AUTS2: variants seen among roughly 807,000 people sequenced by gnomAD.
AUTS2 encodes the protein autism susceptibility gene 2 protein.
In AUTS2, 17 loss-of-function variants were observed where a neutral mutation model predicts 112.4. The ratio of observed to expected loss-of-function variants is 0.15; its 90% CI spans 0.10 to 0.23. The LOEUF (loss-of-function observed/expected upper bound fraction) is 0.23. AUTS2 is among the 10% of genes least tolerant of loss of function. The pLI is 1.00. For synonymous variants in AUTS2, 751 were observed against 702.7 expected (o/e 1.07, Z -1.09); for missense variants, 1,510 against 1,701.6 (o/e 0.89, Z 1.98).
At chr7:70,467,795 C>G (rs1797225490) in intron 5 of AUTS2, among the ~76,000 whole-genome samples, 1 of 152,206 alleles carries the variant, frequency 6.6e-6, no homozygotes, top group African/African-American at 2.4e-5. Context: ...TTAACCTCCA[C>G]TGCTAGAGGG....
At chr7:69,793,201 A>G (rs1052063200) in intron 1 of AUTS2, among the ~76,000 whole-genome samples, 1 of 152,218 alleles carries the variant, frequency 6.6e-6, no homozygotes, top group Non-Finnish European at 1.5e-5. Flanking sequence ...TGCCTCCAGC[A>G]GTAAACTGGT....
intron 2 of AUTS2, among the ~76,000 whole-genome samples, chr7:69,975,709 G>T (rs1272628267): frequency 1.3e-5 from 2 of 150,584 alleles, no homozygotes; most frequent in Admixed American, 6.6e-5. Context: ...ATTTTTTTGA[G>T]GTGGAGTCTG....
chr7:70,303,423 C>CGT (rs1789320461), intron 4 of AUTS2, among the ~76,000 whole-genome samples: 1 of 123,126 alleles, frequency 8.1e-6, no homozygotes, highest in African/African-American at 3.4e-5. Flanking sequence ...CACACACACA[C>CGT]GCGCGCGCGC....
At chr7:70,643,308 C>T (rs895516592) in intron 5 of AUTS2, among the ~76,000 whole-genome samples, 2 of 152,228 alleles carry the variant, frequency 1.3e-5, no homozygotes, top group South Asian at 4.1e-4. Flanking sequence ...CGTGGTGGCT[C>T]ACGCCCGTAA....
chr7:69,929,702 T>C (rs1253616513), intron 2 of AUTS2, among the ~76,000 whole-genome samples: 1 of 152,226 alleles, frequency 6.6e-6, no homozygotes, highest in Non-Finnish European at 1.5e-5. Context: ...GGTTACAGTG[T>C]TTTTAAAAAT....
chr7:69,796,368 C>T (rs1187327497), intron 1 of AUTS2, among the ~76,000 whole-genome samples: 2 of 152,074 alleles, frequency 1.3e-5, no homozygotes, highest in Non-Finnish European at 2.9e-5. Flanking sequence ...AACAAACAAA[C>T]AAAAGCTAGT....
intron 2 of AUTS2, among the ~76,000 whole-genome samples, chr7:69,973,470 A>T (rs560317857): frequency 1.3e-5 from 2 of 152,294 alleles, no homozygotes; most frequent in East Asian, 3.9e-4. Flanking sequence ...TGCGGTGTGA[A>T]CTAAGAGTGG....
At chr7:70,043,578 TTC>T (rs1801347308) in intron 2 of AUTS2, among the ~76,000 whole-genome samples, 2 of 115,576 alleles carry the variant, frequency 1.7e-5, no homozygotes, top group Non-Finnish European at 3.4e-5. Flanking sequence ...CCTTCCTTCC[TTC>T]CTTCCTTCCT....
intron 4 of AUTS2, among the ~76,000 whole-genome samples, chr7:70,289,272 T>G (rs948221499): frequency 6.6e-6 from 1 of 152,226 alleles, no homozygotes; most frequent in African/African-American, 2.4e-5. Context: ...AAGGAACATC[T>G]GAGTGTTAAG....
intron 1 of AUTS2, among the ~76,000 whole-genome samples, chr7:69,652,183 G>A (rs1206010423): frequency 6.6e-6 from 1 of 151,954 alleles, no homozygotes. Context: ...TCTCTATGGT[G>A]GGCTCTGCTT....
chr7:70,452,020 T>G (rs1796553605), intron 5 of AUTS2, among the ~76,000 whole-genome samples: 1 of 152,170 alleles, frequency 6.6e-6, no homozygotes, highest in African/African-American at 2.4e-5. Flanking sequence ...GGTAGAGAGA[T>G]ATGATACCAC....
chr7:70,287,176 T>C (rs1476892303), intron 4 of AUTS2, among the ~76,000 whole-genome samples: 1 of 152,178 alleles, frequency 6.6e-6, no homozygotes, highest in Non-Finnish European at 1.5e-5. Flanking sequence ...TCTCTGTATC[T>C]CTTCAACTGT....
rs1790592988 is a variant in AUTS2 at position 70,774,946 on chromosome 7, A to T, written c.1903-411A>T. ...GGTAAAGAGAGCCTAATTCTCCTGG[A>T]TGGATGGAAAGGACACCTCTCCCCA... On this transcript the variant is annotated intron_variant, in intron 12 of 18. Coordinates refer to ENST00000342771, the MANE Select transcript of AUTS2 (RefSeq NM_015570.4). The T allele has an allele frequency of 1.0e-5, 2 of 192,184 alleles. 1 individual carries two copies. The highest frequency in any genetic ancestry group is 3.3e-4 in the South Asian group (2 of 6,128). The allele number at this position is 192,184 out of a possible 1,614,324, so 11.9% of individuals were successfully genotyped here.
intron 4 of AUTS2, among the ~76,000 whole-genome samples, chr7:70,401,798 C>T (rs955783098): frequency 3.3e-5 from 5 of 152,282 alleles, no homozygotes; most frequent in East Asian, 1.9e-4. Context: ...CTTCCACCAG[C>T]GTGATTTTGT....
chr7:69,781,140 C>G (rs964781531), intron 1 of AUTS2, among the ~76,000 whole-genome samples: 1 of 152,178 alleles, frequency 6.6e-6, no homozygotes, highest in Non-Finnish European at 1.5e-5. Context: ...TTTCTGTTTT[C>G]TACCGTATTA....
intron 2 of AUTS2, among the ~76,000 whole-genome samples, chr7:69,957,782 A>G (rs1031184921): frequency 2.6e-5 from 4 of 152,118 alleles, no homozygotes; most frequent in Non-Finnish European, 4.4e-5. Context: ...TCCCAAGTGG[A>G]TTCAGTTCCA....
intron 5 of AUTS2, among the ~76,000 whole-genome samples, chr7:70,515,626 A>C (rs999508361): frequency 6.6e-6 from 1 of 152,122 alleles, no homozygotes; most frequent in Non-Finnish European, 1.5e-5. Flanking sequence ...AGCCATTGAC[A>C]GATCTTAATT....
At position 70,787,284 on chromosome 7, in the gene AUTS2, G is replaced by C; in HGVS notation, c.2384G>C (p.Arg795Pro). The change falls in exon 18 of 19, where the codon CGG becomes CCG. Residue 795 changes from arginine (R) to proline (P), a missense_variant. Coordinates refer to ENST00000342771, the MANE Select transcript of AUTS2 (RefSeq NM_015570.4). ...NFSNPHEPWN[R>P]LHRTPPSFPT... The stretch of plus-strand genomic sequence containing the variant: ...AGCAACCCTCACGAACCCTGGAACC[G>C]GCTGCACCGAACGCCTCCGTCGTTC... 1 of 1,614,188 alleles carries C rather than the reference G, an allele frequency of 6.2e-7. No homozygotes were observed.
At chr7:70,104,330 A>G (rs1280146679) in intron 2 of AUTS2, among the ~76,000 whole-genome samples, 1 of 152,114 alleles carries the variant, frequency 6.6e-6, no homozygotes, top group Admixed American at 6.6e-5. Flanking sequence ...CATCAAAGCC[A>G]TTGTAAGGAT....
Sources: gnomAD v4.1 joint callset for allele counts (sites outside exome capture counted in the v4.1 genomes callset) on GRCh38, gnomAD v4.1.1 for gene constraint, MANE v1.5 for transcripts, NCBI Gene and HGNC (gene_info 2026-07-23, HGNC 2026-07-21) for gene names.